The following TYRO3 variants were observed in gnomAD, a reference collection of about 807,000 sequenced individuals.
TYRO3 encodes TYRO3 protein tyrosine kinase.
TYRO3 carries 38 observed loss-of-function variants against 95.2 expected under a neutral mutation model. That is an observed-to-expected ratio of 0.40 (90% CI 0.31 to 0.52). The LOEUF (loss-of-function observed/expected upper bound fraction) is 0.52, where lower values mean the gene tolerates loss of function less well. Among genes scored for constraint, TYRO3 ranks in the 20% least tolerant of loss-of-function variants. The pLI, the probability that TYRO3 is intolerant of heterozygous loss-of-function variation, is 0.56. For synonymous variants in TYRO3, 367 were observed against 432.9 expected, an observed-to-expected ratio of 0.85 and a Z score of 1.89; for missense variants, 812 against 1,116.4, an observed-to-expected ratio of 0.73 and a Z score of 3.89.
In TYRO3 at chr15:41,561,805, A is replaced by G. The variant is rs549927067; in HGVS notation, c.409+166A>G. ...ACTCCAGATGTCGGAAGACCCTACC[A>G]GTTGGAGTTGGGTATCTGAGAACCA... On this transcript the variant is annotated intron_variant, in intron 3 of 18. Coordinates refer to ENST00000263798, the MANE Select transcript of TYRO3 (RefSeq NM_006293.4). 283 of 513,900 alleles carry G rather than the reference A, an allele frequency of 5.5e-4. 3 individuals are homozygous for G. The East Asian group carries it at 9.9e-3, about 18-fold the overall frequency. 31.8% of individuals were successfully genotyped at this position (513,900 alleles called of 1,614,324 possible).
At position 41,582,769 on chromosome 15, in the gene TYRO3, G is replaced by A. The variant is rs1394078118; in HGVS notation, c.*4493G>A. 1 of 152,004 alleles carries A rather than the reference G, an allele frequency of 6.6e-6. No homozygotes were observed. The highest frequency in any genetic ancestry group is 1.5e-5 in the Non-Finnish European group (1 of 67,988). The allele number at this position is 152,004 out of a possible 1,614,324, so 9.4% of individuals were successfully genotyped here. A position where few individuals can be genotyped will look rare whatever the true frequency, so the allele number is the denominator to read the frequency against. ...ATTGTTGAATAAGAAGTGATACAGA[G>A]ATTCAAAGTTATTTTTCCCAGATAC... On this transcript the variant is annotated 3_prime_UTR_variant, in exon 19 of 19. Coordinates refer to ENST00000263798, the MANE Select transcript of TYRO3 (RefSeq NM_006293.4).
In TYRO3 at chr15:41,578,124, G is replaced by A; in HGVS notation, c.2521G>A (p.Gly841Ser). The change falls in exon 19 of 19, where the codon GGT becomes AGT. Residue 841 changes from glycine to serine, a missense_variant. Coordinates refer to ENST00000263798, the MANE Select transcript of TYRO3 (RefSeq NM_006293.4). ...GGATGGCAGTGGCATGGGGGCAGTGGGTGGCACTCCCAGTGACTGTCGGTA... is the reference window on the plus strand; with the variant it reads ...GGATGGCAGTGGCATGGGGGCAGTGAGTGGCACTCCCAGTGACTGTCGGTA... ...AGDGSGMGAVGGTPSDCRYIL... is the reference protein window; with the variant it reads ...AGDGSGMGAVSGTPSDCRYIL... 6.2e-7 allele frequency: 1 copy of A among 1,613,910 alleles called. No individual in the cohort carries two copies. Among genetic ancestry groups the A allele is most frequent in the Non-Finnish European group, 8.5e-7 (1 of 1,180,018 alleles).
Position 41,572,365 on chromosome 15 carries a change from G to C in TYRO3, c.1754-78G>C, listed in dbSNP as rs917119847. The C allele has an allele frequency of 3.3e-6, 5 of 1,526,464 alleles. No individual in the cohort carries two copies. The African/African-American group carries it at 6.9e-5, about 21-fold the overall frequency. 94.6% of individuals were successfully genotyped at this position (1,526,464 alleles called of 1,614,324 possible). A position where few individuals can be genotyped will look rare whatever the true frequency, so the allele number is the denominator to read the frequency against. On this transcript the variant is annotated intron_variant, in intron 14 of 18. Coordinates refer to ENST00000263798, the MANE Select transcript of TYRO3 (RefSeq NM_006293.4). ...GAGCCAGAGCTAGAGATGGGACCCA[G>C]CAGGTGGGGACTTATGCAGACACCT...
chr15:41,577,175 T>G (rs1052833977), intron 18 of TYRO3, among the ~76,000 whole-genome samples: 1 of 152,070 alleles, frequency 6.6e-6, no homozygotes, highest in Non-Finnish European at 1.5e-5. Flanking sequence ...TGAGAAATAA[T>G]AAGCTAGGAT....
At chr15:41,560,420 T>TGC (rs2055634051) in intron 1 of TYRO3, among the ~76,000 whole-genome samples, 1 of 143,496 alleles carries the variant, frequency 7.0e-6, no homozygotes, top group Non-Finnish European at 1.5e-5. Context: ...TGTGTGTGTG[T>TGC]GTGTGTGTGC....
intron 18 of TYRO3, among the ~76,000 whole-genome samples, chr15:41,574,494 C>T (rs2055838266): frequency 6.6e-6 from 1 of 152,130 alleles, no homozygotes; most frequent in African/African-American, 2.4e-5. Flanking sequence ...ATTATTTATC[C>T]CCACTTTGTA....
intron 1 of TYRO3, among the ~76,000 whole-genome samples, chr15:41,560,096 T>A (rs1367766854): frequency 6.6e-6 from 1 of 152,170 alleles, no homozygotes; most frequent in Non-Finnish European, 1.5e-5. Context: ...TGACTGGTCC[T>A]GAGAGGGTGA....
intron 4 of TYRO3, among the ~76,000 whole-genome samples, chr15:41,563,205 C>T (rs72739700): frequency 0.019 from 2,914 of 152,180 alleles, 40 homozygotes; most frequent in Non-Finnish European, 0.028. Flanking sequence ...TGGCGCTTTC[C>T]GGGAAACCTC....
At position 41,578,229 on chromosome 15, in the gene TYRO3, A is replaced by G. The variant is rs556552733; in HGVS notation, c.2626A>G (p.Arg876Gly). 2 of 1,613,678 alleles carry G rather than the reference A, an allele frequency of 1.2e-6. No homozygotes were observed. Among genetic ancestry groups the G allele is most frequent in the Admixed American group, 1.7e-5 (1 of 60,026 alleles). The change falls in exon 19 of 19, where the codon AGG becomes GGG. Residue 876 changes from arginine to glycine, a missense_variant. Transcript: ENST00000263798. ...QPESPLNETQ[R>G]LLLLQQGLLP... ...AGAGAGTCCCCTCAATGAGACACAG[A>G]GGCTTTTGCTGCTGCAGCAAGGGCT... is the stretch of plus-strand genomic sequence containing the variant.
chr15:41,578,084 C>G lies in TYRO3; in HGVS notation c.2481C>G (p.Pro827=). ...GSLELPGRDQ[P]YSGAGDGSGM... ...TGGAGCTACCTGGCAGGGATCAGCC[C>G]TACAGTGGGGCTGGGGATGGCAGTG... Residue 827 remains proline (P), a synonymous_variant, in exon 19 of 19, where the codon CCC becomes CCG. Coordinates refer to ENST00000263798, the MANE Select transcript of TYRO3 (RefSeq NM_006293.4). 1 of 1,614,060 alleles carries G rather than the reference C, an allele frequency of 6.2e-7. No homozygotes were observed. The highest frequency in any genetic ancestry group is 1.1e-5 in the South Asian group (1 of 91,068).
intron 13 of TYRO3, 117 bp from the exon 14 acceptor site, chr15:41,571,478 T>G: frequency 1.4e-6 from 1 of 740,268 alleles, no homozygotes. Flanking sequence ...ATGGCTGGGC[T>G]GTTTCCTGGG....
chr15:41,570,518 T>A, intron 11 of TYRO3, 86 bp from the exon 12 acceptor site: 2 of 1,484,604 alleles, frequency 1.3e-6, no homozygotes, highest in South Asian at 2.3e-5. Context: ...ATCTCTATGC[T>A]CTGAGGGCAG....
intron 5 of TYRO3, among the ~76,000 whole-genome samples, chr15:41,564,535 C>T (rs868617296): frequency 6.6e-6 from 1 of 152,244 alleles, no homozygotes; most frequent in Non-Finnish European, 1.5e-5. Context: ...GGGAGGGAGG[C>T]AGCAGGAGAT....
At chr15:41,564,933 G>T in intron 5 of TYRO3, 93 bp from the exon 6 acceptor site, 1 of 815,136 alleles carries the variant, frequency 1.2e-6, no homozygotes, top group South Asian at 1.4e-5. Context: ...GGATGCCCTG[G>T]ACCCTCAGAG....
intron 18 of TYRO3, among the ~76,000 whole-genome samples, chr15:41,576,735 C>T: frequency 6.8e-6 from 1 of 147,552 alleles, no homozygotes; most frequent in Admixed American, 6.9e-5. Flanking sequence ...GCAATCACAG[C>T]TCACTGTAGC....
At chr15:41,567,211 T>G in intron 6 of TYRO3, 149 bp from the exon 7 acceptor site, 1 of 512,724 alleles carries the variant, frequency 2.0e-6, no homozygotes. Context: ...ACCCTGTGTA[T>G]TATTGGGGTG....
intron 8 of TYRO3, 102 bp downstream of exon 8, chr15:41,568,464 G>C (rs1431587248): frequency 8.2e-7 from 1 of 1,219,926 alleles, no homozygotes; most frequent in East Asian, 2.5e-5. Context: ...GTGGGCCTGG[G>C]TCTCCCGCAG....
Position 41,579,916 on chromosome 15 carries a change from C to A in TYRO3, c.*1640C>A, listed in dbSNP as rs1483519669. The A allele has an allele frequency of 1.3e-5, 2 of 151,906 alleles. No homozygotes were observed. Among genetic ancestry groups the A allele is most frequent in the African/African-American group, 2.4e-5 (1 of 41,344 alleles). 9.4% of individuals were successfully genotyped at this position (151,906 alleles called of 1,614,324 possible). A position where few individuals can be genotyped will look rare whatever the true frequency, so the allele number is the denominator to read the frequency against. ...GGGACTACAGGTGCCTGCCACCACG[C>A]CCGGCTAATTTTTTGTATTTTTAGT... On this transcript the variant is annotated 3_prime_UTR_variant, in exon 19 of 19. Transcript: ENST00000263798.
chr15:41,582,898 G>A lies in TYRO3; in HGVS notation c.*4622G>A, dbSNP rs935628502. On this transcript the variant is annotated 3_prime_UTR_variant, in exon 19 of 19. Coordinates refer to ENST00000263798, the MANE Select transcript of TYRO3 (RefSeq NM_006293.4). The stretch of plus-strand genomic sequence containing the variant: ...ACAGGGTCTTGCTCTGTTTCTGCCT[G>A]GGCTGGAGTAAAGTGATAGTAAACT... The A allele has an allele frequency of 4.7e-5, 7 of 149,166 alleles. No individual in the cohort carries two copies. Among genetic ancestry groups the A allele is most frequent in the African/African-American group, 1.7e-4 (7 of 40,364 alleles). 9.2% of individuals were successfully genotyped at this position (149,166 alleles called of 1,614,324 possible).
Sources: allele counts gnomAD v4.1 joint callset (sites outside exome capture counted in the v4.1 genomes callset), GRCh38; gene constraint gnomAD v4.1.1; transcripts MANE v1.5; gene names NCBI Gene and HGNC (gene_info 2026-07-23, HGNC 2026-07-21).